Variants in FHIT observed in about 807,000 individuals in gnomAD.
The protein encoded by FHIT is bis(5'-adenosyl)-triphosphatase.
FHIT carries 19 observed loss-of-function variants against 17.9 expected under a neutral mutation model. That is an observed-to-expected ratio of 1.06 (90% CI 0.74 to 1.56). FHIT has a LOEUF of 1.56. Ranked by LOEUF, FHIT falls within the 40% of genes most tolerant of loss-of-function variation. FHIT has a pLI of 0.00. For synonymous variants in FHIT, 81 were observed against 69.7 expected (o/e 1.16, Z -0.81); for missense variants, 248 against 189.2 (o/e 1.31, Z -1.82).
At chr3:60,466,375 CTT>C (rs1336461438) in intron 5 of FHIT, among the ~76,000 whole-genome samples, 2 of 152,020 alleles carry the variant, frequency 1.3e-5, no homozygotes, top group African/African-American at 4.8e-5. Flanking sequence ...ATATCTTTCT[CTT>C]GTCTGATTTC....
At chr3:59,929,363 G>GTTTTTTTTTTTTTTTTTTTTTTTTT in intron 7 of FHIT, among the ~76,000 whole-genome samples, 1 of 67,052 alleles carries the variant, frequency 1.5e-5, no homozygotes, top group Non-Finnish European at 2.7e-5. Flanking sequence ...TGTTTTTTTG[G>GTTTTTTTTTTTTTTTTTTTTTTTTT]TTTTTTTTTT....
chr3:60,868,735 A>G (rs1036778018), intron 3 of FHIT, among the ~76,000 whole-genome samples: 1 of 152,188 alleles, frequency 6.6e-6, no homozygotes, highest in Non-Finnish European at 1.5e-5. Context: ...TAACTTACTT[A>G]GGAGTCTAAA....
chr3:60,422,241 A>G (rs1342443010), intron 5 of FHIT, among the ~76,000 whole-genome samples: 1 of 152,172 alleles, frequency 6.6e-6, no homozygotes, highest in Non-Finnish European at 1.5e-5. Context: ...GAAATATTCC[A>G]AAGATTTGCA....
intron 3 of FHIT, among the ~76,000 whole-genome samples, chr3:60,881,360 A>G (rs1704967584): frequency 6.6e-6 from 1 of 152,246 alleles, no homozygotes; most frequent in South Asian, 2.1e-4. Flanking sequence ...CCCCACTCTC[A>G]TCACTGGATA....
intron 5 of FHIT, among the ~76,000 whole-genome samples, chr3:60,078,411 T>A (rs1379073876): frequency 1.3e-5 from 2 of 152,114 alleles, no homozygotes; most frequent in African/African-American, 2.4e-5. Flanking sequence ...AAATGCCACA[T>A]CAGACAAACT....
chr3:60,105,765 T>C (rs1288567809), intron 5 of FHIT, among the ~76,000 whole-genome samples: 1 of 152,118 alleles, frequency 6.6e-6, no homozygotes, highest in African/African-American at 2.4e-5. Flanking sequence ...TTTTTTTAGT[T>C]GAAAGCCCAT....
At chr3:61,067,926 T>C (rs909033848) in intron 2 of FHIT, among the ~76,000 whole-genome samples, 1 of 152,152 alleles carries the variant, frequency 6.6e-6, no homozygotes, top group Admixed American at 6.5e-5. Context: ...GGCAGCTATA[T>C]TCCTACTCAA....
At chr3:59,968,845 T>C (rs1433529330) in intron 7 of FHIT, among the ~76,000 whole-genome samples, 5 of 152,146 alleles carry the variant, frequency 3.3e-5, no homozygotes, top group Non-Finnish European at 5.9e-5. Context: ...AAAGCTAAAG[T>C]TGTTTATTTG....
chr3:60,317,311 T>C (rs914184673), intron 5 of FHIT, among the ~76,000 whole-genome samples: 1 of 151,914 alleles, frequency 6.6e-6, no homozygotes, highest in Non-Finnish European at 1.5e-5. Context: ...ATGATTCTAT[T>C]CATCCTGGAC....
At chr3:60,697,096 A>C (rs988552173) in intron 4 of FHIT, among the ~76,000 whole-genome samples, 3 of 152,180 alleles carry the variant, frequency 2.0e-5, no homozygotes, top group Non-Finnish European at 2.9e-5. Flanking sequence ...TTTCCCCCAA[A>C]TTGGATTGAA....
intron 5 of FHIT, among the ~76,000 whole-genome samples, chr3:60,065,797 C>G (rs139847470): frequency 6.8e-4 from 104 of 152,314 alleles, no homozygotes; most frequent in African/African-American, 2.5e-3. Context: ...CTCATTCTCT[C>G]AGACCATCTT....
intron 4 of FHIT, among the ~76,000 whole-genome samples, chr3:60,757,082 A>G (rs369678962): frequency 2.6e-5 from 4 of 152,346 alleles, no homozygotes; most frequent in South Asian, 2.1e-4. Context: ...CTCTGTCATT[A>G]GTAAGTATAT....
intron 5 of FHIT, among the ~76,000 whole-genome samples, chr3:60,525,638 TCTC>T (rs2035545476): frequency 2.6e-5 from 4 of 152,322 alleles, no homozygotes; most frequent in South Asian, 2.1e-4. Flanking sequence ...TAATTGTAAA[TCTC>T]TCCATTTTAA....
chr3:60,786,551 T>G (rs1700583153), intron 4 of FHIT, among the ~76,000 whole-genome samples: 1 of 152,170 alleles, frequency 6.6e-6, no homozygotes, highest in South Asian at 2.1e-4. Flanking sequence ...GAGATAATCC[T>G]AAAACGTACC....
intron 2 of FHIT, among the ~76,000 whole-genome samples, chr3:61,086,761 C>A (rs7646887): frequency 1.3e-5 from 2 of 151,968 alleles, no homozygotes; most frequent in Non-Finnish European, 2.9e-5. Context: ...CTATCATTAC[C>A]AGAAGCAGAA....
At chr3:60,311,718 G>C (rs1256673638) in intron 5 of FHIT, among the ~76,000 whole-genome samples, 1 of 152,154 alleles carries the variant, frequency 6.6e-6, no homozygotes, top group Non-Finnish European at 1.5e-5. Context: ...AAAGGCTGTG[G>C]TTTGTGAGCT....
In FHIT at chr3:60,163,480, G is replaced by A. The variant is rs74999656; in HGVS notation, c.104-149328C>T. Reference sequence around the variant, plus strand: ...TTTCTTCCTGTTAACTGCCACAGAAGCCTCCTTCTGTTCCTCCAAGGCCCC... The same window carrying A: ...TTTCTTCCTGTTAACTGCCACAGAAACCTCCTTCTGTTCCTCCAAGGCCCC... On this transcript the variant is annotated intron_variant, in intron 5 of 9. Coordinates refer to ENST00000492590, the MANE Select transcript of FHIT (RefSeq NM_002012.4). Among the ~76,000 whole-genome samples the A allele has an allele frequency of 4.5e-3, 690 of 152,138 alleles. 6 individuals carry two copies. Among genetic ancestry groups the A allele is most frequent in the Middle Eastern group, 0.017 (5 of 292 alleles).
chr3:60,131,198 T>C (rs1699582956), intron 5 of FHIT, among the ~76,000 whole-genome samples: 1 of 151,850 alleles, frequency 6.6e-6, no homozygotes, highest in Non-Finnish European at 1.5e-5. Flanking sequence ...GTATAGTATT[T>C]GCATATAACC....
chr3:60,557,639 T>A (rs1204240443), intron 4 of FHIT, among the ~76,000 whole-genome samples: 1 of 151,658 alleles, frequency 6.6e-6, no homozygotes, highest in Non-Finnish European at 1.5e-5. Flanking sequence ...ACCCATGACA[T>A]CAGAGAAACA....
Sources: allele counts gnomAD v4.1 joint callset (sites outside exome capture counted in the v4.1 genomes callset), GRCh38; gene constraint gnomAD v4.1.1; transcripts MANE v1.5; gene names NCBI Gene and HGNC (gene_info 2026-07-23, HGNC 2026-07-21).